Variants in PCDHGA1 observed in about 807,000 individuals in gnomAD.
PCDHGA1 encodes protocadherin gamma subfamily A, 1, also known as protocadherin gamma-A1.
Under a neutral mutation model 58.0 loss-of-function variants are expected in PCDHGA1, and 32 were observed. That is an observed-to-expected ratio of 0.55 (90% confidence interval 0.42 to 0.74). PCDHGA1 has a LOEUF of 0.74. PCDHGA1 is among the 30% of genes least tolerant of loss of function. PCDHGA1 has a pLI of 0.00. For synonymous variants in PCDHGA1, 498 were observed against 501.1 expected, an observed-to-expected ratio of 0.99 and a Z score of 0.08; for missense variants, 1,205 against 1,182.3, an observed-to-expected ratio of 1.02 and a Z score of -0.28.
At chr5:141,508,408 C>T (rs938019804) in intron 3 of PCDHGA1, 1 of 152,180 alleles carries the variant, frequency 6.6e-6, no homozygotes, top group Non-Finnish European at 1.5e-5. Context: ...GCTTGAGCCA[C>T]GCAGAGACTT....
intron 1 of PCDHGA1, among the ~76,000 whole-genome samples, chr5:141,446,182 G>A (rs1411996595): frequency 6.6e-6 from 1 of 152,118 alleles, no homozygotes; most frequent in African/African-American, 2.4e-5. Flanking sequence ...GGGGTGTTTT[G>A]TTTATTATTA....
At chr5:141,428,001 T>G (rs149531447) in intron 1 of PCDHGA1, 10 of 1,601,704 alleles carry the variant, frequency 6.2e-6, no homozygotes, top group Non-Finnish European at 8.5e-6. Flanking sequence ...CTCCGCACTC[T>G]TCGATATAGT....
intron 1 of PCDHGA1, chr5:141,343,975 T>C: frequency 1.4e-6 from 2 of 1,396,158 alleles, no homozygotes; most frequent in Middle Eastern, 2.0e-4. Flanking sequence ...AAAATAAGAT[T>C]GGAGTCCGTC....
At chr5:141,488,189 T>G (rs574621860) in intron 1 of PCDHGA1, among the ~76,000 whole-genome samples, 2 of 152,316 alleles carry the variant, frequency 1.3e-5, no homozygotes, top group Non-Finnish European at 2.9e-5. Context: ...TCTTTTGGTC[T>G]GGGTCTTAGG....
intron 1 of PCDHGA1, chr5:141,409,876 C>A: frequency 6.2e-7 from 1 of 1,612,874 alleles, no homozygotes. Flanking sequence ...GCAATGACAA[C>A]GCACCGCGGG....
At chr5:141,372,134 C>T (rs376964998) in intron 1 of PCDHGA1, 3 of 1,613,696 alleles carry the variant, frequency 1.9e-6, no homozygotes, top group Non-Finnish European at 2.5e-6. Context: ...TGGTGCCGCG[C>T]TCTGCAGAGC....
At chr5:141,393,504 A>G (rs369406530) in intron 1 of PCDHGA1, 1 of 1,614,036 alleles carries the variant, frequency 6.2e-7, no homozygotes, top group African/African-American at 1.3e-5. Flanking sequence ...CATCCACGTG[A>G]CAGTGTTGGA....
At chr5:141,356,885 T>A in intron 1 of PCDHGA1, 2 of 1,614,172 alleles carry the variant, frequency 1.2e-6, no homozygotes, top group Non-Finnish European at 1.7e-6. Flanking sequence ...GTCCCTGAGA[T>A]CCTGTACCCC....
At position 141,490,788 on chromosome 5, in the gene PCDHGA1, C is replaced by G. The variant is rs2099704332; in HGVS notation, c.2422-4019C>G. ...ATGTCAACCCAGAGGATGGACGGAT[C>G]TTTGCCCAGCGTACCTTTGACTATG... On this transcript the variant is annotated intron_variant, in intron 1 of 3. Coordinates refer to ENST00000517417, the MANE Select transcript of PCDHGA1 (RefSeq NM_018912.3). The surrounding 1 kb of genome is among the most constrained non-coding windows in gnomAD (Gnocchi z 5.4). 6.2e-7 allele frequency: 1 copy of G among 1,613,918 alleles called. No homozygotes were observed. The highest frequency in any genetic ancestry group is 1.1e-5 in the South Asian group (1 of 91,084).
intron 1 of PCDHGA1, among the ~76,000 whole-genome samples, chr5:141,373,599 T>A (rs1769720123): frequency 6.6e-6 from 1 of 152,236 alleles, no homozygotes; most frequent in Non-Finnish European, 1.5e-5. Flanking sequence ...GTGATGATAA[T>A]TCAAAATTTA....
At chr5:141,406,277 C>T (rs1462690693) in intron 1 of PCDHGA1, among the ~76,000 whole-genome samples, 1 of 151,986 alleles carries the variant, frequency 6.6e-6, no homozygotes, top group Non-Finnish European at 1.5e-5. Flanking sequence ...GCTTCAGTTT[C>T]CCAAAGCACT....
chr5:141,361,065 G>A, intron 1 of PCDHGA1: 1 of 1,613,892 alleles, frequency 6.2e-7, no homozygotes, highest in Non-Finnish European at 8.5e-7. Flanking sequence ...TGGATTTTGA[G>A]ATTGCAAGTA....
chr5:141,428,338 T>G, intron 1 of PCDHGA1: 7 of 592,492 alleles, frequency 1.2e-5, no homozygotes, highest in East Asian at 3.1e-5. Flanking sequence ...TATGCTCTTC[T>G]TCCTCGCAGT....
At chr5:141,470,059 G>A (rs1206799372) in intron 1 of PCDHGA1, among the ~76,000 whole-genome samples, 6 of 152,186 alleles carry the variant, frequency 3.9e-5, no homozygotes, top group African/African-American at 1.4e-4. Context: ...AACCCCGGAG[G>A]CAGAGACTGT....
At chr5:141,380,965 A>G (rs575114972) in intron 1 of PCDHGA1, among the ~76,000 whole-genome samples, 2 of 152,370 alleles carry the variant, frequency 1.3e-5, no homozygotes, top group Admixed American at 1.3e-4. Context: ...CAAAAGTACT[A>G]TTAAACAAAT....
At chr5:141,371,718 A>C in intron 1 of PCDHGA1, 1 of 1,614,064 alleles carries the variant, frequency 6.2e-7, no homozygotes, top group Non-Finnish European at 8.5e-7. Flanking sequence ...CACTCTGCAC[A>C]TCCTTGATGT....
chr5:141,427,998 C>A, intron 1 of PCDHGA1: 1 of 1,600,956 alleles, frequency 6.2e-7, no homozygotes, highest in Non-Finnish European at 8.6e-7. Context: ...TGGCTCCGCA[C>A]TCTTCGATAT....
intron 1 of PCDHGA1, chr5:141,375,591 C>T (rs1177848611): frequency 6.2e-7 from 1 of 1,614,194 alleles, no homozygotes; most frequent in East Asian, 2.2e-5. Flanking sequence ...CCCCTGTCCT[C>T]CTACGTGTCC....
chr5:141,351,638 A>C, intron 1 of PCDHGA1: 3 of 1,614,016 alleles, frequency 1.9e-6, no homozygotes, highest in Non-Finnish European at 2.5e-6. Context: ...CGTGTCTGAG[A>C]ACAACCCACC....
Sources: gnomAD v4.1 joint callset for allele counts (sites outside exome capture counted in the v4.1 genomes callset) on GRCh38, gnomAD v4.1.1 for gene constraint, Gnocchi (gnomAD v3.1) non-coding constraint, MANE v1.5 for transcripts, NCBI Gene and HGNC (gene_info 2026-07-23, HGNC 2026-07-21) for gene names.